Variants in PLXNC1 observed in about 807,000 individuals in gnomAD.
PLXNC1 encodes the protein plexin C1.
PLXNC1 carries 75 observed loss-of-function variants against 178.2 expected under a neutral mutation model. The observed-to-expected ratio is 0.42, with a 90% confidence interval of 0.35 to 0.51. PLXNC1 has a LOEUF of 0.51. PLXNC1 is among the 20% of genes least tolerant of loss of function. PLXNC1 has a pLI of 0.02. For synonymous variants in PLXNC1, 790 were observed against 779.9 expected, an observed-to-expected ratio of 1.01 and a Z score of -0.22; for missense variants, 1,503 against 1,984.4, an observed-to-expected ratio of 0.76 and a Z score of 4.61.
At chr12:94,287,444 T>C (rs548225958) in intron 23 of PLXNC1, among the ~76,000 whole-genome samples, 1 of 152,256 alleles carries the variant, frequency 6.6e-6, no homozygotes, top group South Asian at 2.1e-4. Flanking sequence ...TTCCTCTCAC[T>C]CGCACCCTGC....
chr12:94,276,274 C>T (rs1191212112), intron 21 of PLXNC1, among the ~76,000 whole-genome samples: 1 of 152,168 alleles, frequency 6.6e-6, no homozygotes, highest in East Asian at 1.9e-4. Flanking sequence ...ACTGCAATTA[C>T]CCGCCACCAT....
chr12:94,291,651 C>T (rs905344356), intron 23 of PLXNC1, among the ~76,000 whole-genome samples: 1 of 152,176 alleles, frequency 6.6e-6, no homozygotes, highest in African/African-American at 2.4e-5. Context: ...ATTTTCATCC[C>T]TCCCGAAGAA....
At chr12:94,170,994 T>C (rs1042739206) in intron 2 of PLXNC1, among the ~76,000 whole-genome samples, 1 of 152,188 alleles carries the variant, frequency 6.6e-6, no homozygotes, top group Non-Finnish European at 1.5e-5. Flanking sequence ...CAATTATCTC[T>C]TCAGATTTGG....
chr12:94,201,921 C>T (rs912822916), intron 4 of PLXNC1, among the ~76,000 whole-genome samples: 3 of 151,850 alleles, frequency 2.0e-5, no homozygotes, highest in African/African-American at 7.3e-5. Flanking sequence ...AATGCACCAC[C>T]TCGCCCAGCT....
At chr12:94,291,655 C>T (rs1433303418) in intron 23 of PLXNC1, among the ~76,000 whole-genome samples, 1 of 152,170 alleles carries the variant, frequency 6.6e-6, no homozygotes, top group Non-Finnish European at 1.5e-5. Flanking sequence ...TCATCCCTCC[C>T]GAAGAAACCT....
intron 28 of PLXNC1, among the ~76,000 whole-genome samples, 156 bp from the exon 29 acceptor site, chr12:94,303,600 T>C (rs1181403520): frequency 1.3e-5 from 2 of 152,036 alleles, no homozygotes; most frequent in African/African-American, 2.4e-5. Context: ...GTCAACAACA[T>C]TTAAGGCCTA....
In PLXNC1 at chr12:94,247,839, T is replaced by C. The variant is rs1343951017; in HGVS notation, c.2389-64T>C. ...AGTTAAGTTGCTCAGGTCACTTAGC[T>C]CTTAGAGATCACAGCTGGGATTCGT... On this transcript the variant is annotated intron_variant, in intron 12 of 30. Coordinates refer to ENST00000258526, the MANE Select transcript of PLXNC1 (RefSeq NM_005761.3). 5 of 1,456,472 alleles carry C rather than the reference T, an allele frequency of 3.4e-6. No individual in the cohort carries two copies. In the South Asian group the frequency reaches 3.6e-5, roughly 10 times the overall value. The allele number at this position is 1,456,472 out of a possible 1,614,324, so 90.2% of individuals were successfully genotyped here.
At chr12:94,172,657 G>GA (rs1565791980) in intron 2 of PLXNC1, among the ~76,000 whole-genome samples, 2 of 152,050 alleles carry the variant, frequency 1.3e-5, no homozygotes. Flanking sequence ...GTTAGTGAGG[G>GA]AAAATGCTTA....
chr12:94,169,753 C>T (rs556686818), intron 2 of PLXNC1, among the ~76,000 whole-genome samples: 58 of 152,274 alleles, frequency 3.8e-4, no homozygotes, highest in Non-Finnish European at 7.2e-4. Context: ...CACTTACCAC[C>T]CACAGAGGGG....
chr12:94,155,097 C>T (rs573017889), intron 1 of PLXNC1, among the ~76,000 whole-genome samples: 1 of 152,336 alleles, frequency 6.6e-6, no homozygotes, highest in Admixed American at 6.5e-5. Flanking sequence ...TACTCCTTCA[C>T]CTCTTCCCAG....
intron 1 of PLXNC1, among the ~76,000 whole-genome samples, chr12:94,165,742 C>A (rs1021759819): frequency 6.6e-6 from 1 of 152,046 alleles, no homozygotes; most frequent in African/African-American, 2.4e-5. Context: ...TCAGTGGTGT[C>A]TCCAGGAACA....
chr12:94,181,117 A>T (rs1962284958), intron 2 of PLXNC1, among the ~76,000 whole-genome samples: 1 of 152,138 alleles, frequency 6.6e-6, no homozygotes, highest in African/African-American at 2.4e-5. Flanking sequence ...TGTTGAATAG[A>T]GGCCGGAAGT....
chr12:94,160,134 T>TGTGTCAGGCCCC (rs1223206975), intron 1 of PLXNC1, among the ~76,000 whole-genome samples: 1 of 152,134 alleles, frequency 6.6e-6, no homozygotes, highest in Non-Finnish European at 1.5e-5. Context: ...TGCCAGGCCC[T>TGTGTCAGGCCCC]GTGTCAGGCC....
chr12:94,217,002 A>G (rs1428421644), intron 5 of PLXNC1, among the ~76,000 whole-genome samples: 1 of 152,026 alleles, frequency 6.6e-6, no homozygotes, highest in Admixed American at 6.6e-5. Flanking sequence ...ACGCAAAAAT[A>G]CCTTCACCTC....
intron 14 of PLXNC1, among the ~76,000 whole-genome samples, chr12:94,250,530 G>A (rs1468471151): frequency 6.6e-6 from 1 of 152,110 alleles, no homozygotes; most frequent in Non-Finnish European, 1.5e-5. Context: ...GCCTCCACGG[G>A]GGCAGCATGA....
chr12:94,266,048 C>T (rs1407696694), intron 21 of PLXNC1, among the ~76,000 whole-genome samples: 3 of 152,132 alleles, frequency 2.0e-5, no homozygotes, highest in South Asian at 2.1e-4. Flanking sequence ...GGCTTCTTCA[C>T]GATCTCGTTA....
intron 9 of PLXNC1, among the ~76,000 whole-genome samples, chr12:94,230,003 A>G (rs759262374): frequency 2.0e-5 from 3 of 152,234 alleles, no homozygotes; most frequent in South Asian, 2.1e-4. Flanking sequence ...CATCACAGTC[A>G]GGATATTGAC....
rs748400799 is a variant in PLXNC1 at position 94,298,781 on chromosome 12, T to C, written c.4224T>C (p.Ile1408=). 6 of 1,610,608 alleles carry C rather than the reference T, an allele frequency of 3.7e-6. No individual in the cohort carries two copies. The East Asian group carries it at 1.3e-4, about 36-fold the overall frequency. The change falls in exon 27 of 31, where the codon ATT becomes ATC. Residue 1408 remains isoleucine (I), a synonymous_variant. Coordinates refer to ENST00000258526, the MANE Select transcript of PLXNC1 (RefSeq NM_005761.3). ...KKITDPDVVH[I]WKTNSLPLRF... ...TCACAGATCCTGACGTCGTACATATTTGGAAAACAAACAGGTGGGAATGTA... is the reference window on the plus strand; with the variant it reads ...TCACAGATCCTGACGTCGTACATATCTGGAAAACAAACAGGTGGGAATGTA...
Position 94,186,378 on chromosome 12 carries a change from G to A in PLXNC1, c.1344G>A (p.Arg448=). 1 of 1,609,520 alleles carries A rather than the reference G, an allele frequency of 6.2e-7. No individual in the cohort carries two copies. Among genetic ancestry groups the A allele is most frequent in the East Asian group, 2.2e-5 (1 of 44,872 alleles). Residue 448 remains arginine (R), a synonymous_variant, in exon 4 of 31, where the codon AGG becomes AGA. Coordinates refer to ENST00000258526, the MANE Select transcript of PLXNC1 (RefSeq NM_005761.3). ...ATTGTCCTCTTTCCTTTTAGGTGAG[G>A]AGAATTCGTGTTGCAAACTGCAATA... ...YIYLTAGKEV[R]RIRVANCNKH...
Sources: allele counts gnomAD v4.1 joint callset (sites outside exome capture counted in the v4.1 genomes callset), GRCh38; gene constraint gnomAD v4.1.1; transcripts MANE v1.5; gene names NCBI Gene and HGNC (gene_info 2026-07-23, HGNC 2026-07-21).